Variants in CDH5 observed in about 807,000 individuals in gnomAD.
The protein encoded by CDH5 is cadherin-5.
CDH5 carries 28 observed loss-of-function variants against 62.0 expected under a neutral mutation model. The ratio of observed to expected loss-of-function variants is 0.45; its 90% CI spans 0.33 to 0.62. The LOEUF is 0.62. CDH5 is among the 20% of genes least tolerant of loss of function. The pLI is 0.02. For synonymous variants in CDH5, 464 were observed against 445.8 expected (o/e 1.04, Z -0.52); for missense variants, 940 against 1,065.1 (o/e 0.88, Z 1.63).
At chr16:66,384,893 G>C (rs1254348372) in intron 2 of CDH5, among the ~76,000 whole-genome samples, 1 of 152,140 alleles carries the variant, frequency 6.6e-6, no homozygotes, top group Non-Finnish European at 1.5e-5. Context: ...TTGAACCCAG[G>C]AGGCGGAGGT....
At chr16:66,401,158 C>G in intron 11 of CDH5, 142 bp downstream of exon 11, 1 of 1,103,504 alleles carries the variant, frequency 9.1e-7, no homozygotes, top group Non-Finnish European at 1.3e-6. Context: ...CAGCCCTTAG[C>G]CAGTTCATGT....
intron 5 of CDH5, among the ~76,000 whole-genome samples, chr16:66,389,908 A>G (rs765271537): frequency 1.1e-4 from 16 of 152,330 alleles, no homozygotes; most frequent in Non-Finnish European, 2.2e-4. Context: ...TGGGGACAGC[A>G]AAGTTCTATA....
intron 2 of CDH5, among the ~76,000 whole-genome samples, chr16:66,384,661 CAAAAAAAAA>C (rs10630303): frequency 9.8e-6 from 1 of 101,600 alleles, no homozygotes; most frequent in Admixed American, 1.1e-4. Context: ...GTACCTGTCT[CAAAAAAAAA>C]AAAAAAAAAA....
At chr16:66,391,406 C>T (rs1293519993) in intron 6 of CDH5, among the ~76,000 whole-genome samples, 1 of 152,036 alleles carries the variant, frequency 6.6e-6, no homozygotes, top group Non-Finnish European at 1.5e-5. Flanking sequence ...TTCTGCTTGG[C>T]TTCCTGAGGG....
At chr16:66,401,504 T>A (rs1385616014) in intron 11 of CDH5, among the ~76,000 whole-genome samples, 1 of 152,240 alleles carries the variant, frequency 6.6e-6, no homozygotes, top group Admixed American at 6.5e-5. Flanking sequence ...ATACATATTT[T>A]TTTTCTTGTT....
intron 1 of CDH5, among the ~76,000 whole-genome samples, chr16:66,373,194 A>G (rs1283064299): frequency 1.3e-5 from 2 of 152,162 alleles, no homozygotes; most frequent in Non-Finnish European, 2.9e-5. Flanking sequence ...ACTGCTGAGA[A>G]CGACCGAGAG....
intron 1 of CDH5, among the ~76,000 whole-genome samples, chr16:66,369,984 G>GTTTT (rs543100458): frequency 6.2e-5 from 2 of 32,378 alleles, no homozygotes; most frequent in South Asian, 7.3e-4. Context: ...AGACTTTTTT[G>GTTTT]TTTGTTTGTT....
intron 2 of CDH5, among the ~76,000 whole-genome samples, chr16:66,383,810 A>G (rs1288768725): frequency 6.6e-6 from 1 of 151,618 alleles, no homozygotes; most frequent in African/African-American, 2.4e-5. Flanking sequence ...GTTGCTGCCC[A>G]CCTCTCTCCC....
chr16:66,370,067 C>G (rs961713432), intron 1 of CDH5, among the ~76,000 whole-genome samples: 8 of 152,164 alleles, frequency 5.3e-5, no homozygotes, highest in African/African-American at 1.7e-4. Context: ...ATGGCGCAAT[C>G]TTGGCTCACT....
At chr16:66,391,708 A>T (rs1331357415) in intron 6 of CDH5, among the ~76,000 whole-genome samples, 1 of 152,114 alleles carries the variant, frequency 6.6e-6, no homozygotes, top group Non-Finnish European at 1.5e-5. Flanking sequence ...GGGAGGTGGA[A>T]GTTGTAGTGA....
At position 66,396,042 on chromosome 16, in the gene CDH5, C is replaced by T; in HGVS notation, c.1218-17C>T. The T allele has an allele frequency of 6.2e-7, 1 of 1,610,796 alleles. No homozygotes were observed. Among genetic ancestry groups the T allele is most frequent in the Non-Finnish European group, 8.5e-7 (1 of 1,179,078 alleles). ...CAAAGAACAATGGAAAGCCATGAAACTCTCTCCCCTGGGCAGATACTCCAT... is the reference window on the plus strand; with the variant it reads ...CAAAGAACAATGGAAAGCCATGAAATTCTCTCCCCTGGGCAGATACTCCAT... On this transcript the variant is annotated splice_polypyrimidine_tract_variant and intron_variant, in intron 7 of 11. Transcript: ENST00000341529.
At chr16:66,402,604 C>G (rs549762463) in intron 11 of CDH5, 48 bp from the exon 12 acceptor site, 1 of 1,474,556 alleles carries the variant, frequency 6.8e-7, no homozygotes, top group African/African-American at 1.4e-5. Flanking sequence ...GGGGGCCGCC[C>G]AGGCCCCCAG....
intron 7 of CDH5, among the ~76,000 whole-genome samples, chr16:66,395,018 C>CTTTTTATTTTT (rs1961152659): frequency 7.3e-5 from 1 of 13,772 alleles, no homozygotes; most frequent in African/African-American, 2.2e-4. Flanking sequence ...CCAGGCTAAT[C>CTTTTTATTTTT]TTTTTTTTTT....
At chr16:66,379,147 C>G (rs1446692814) in intron 1 of CDH5, 172 bp from the exon 2 acceptor site, 6 of 591,994 alleles carry the variant, frequency 1.0e-5, no homozygotes, top group African/African-American at 9.3e-5. Context: ...ACCTTTCATC[C>G]GAGTGCATGA....
intron 2 of CDH5, among the ~76,000 whole-genome samples, chr16:66,384,962 A>AAAACAAAC (rs4036983): frequency 2.0e-5 from 3 of 151,688 alleles, no homozygotes; most frequent in Non-Finnish European, 4.4e-5. Context: ...CTAAACTCAA[A>AAAACAAAC]AAACAAACAA....
At position 66,387,086 on chromosome 16, in the gene CDH5, C is replaced by T. The variant is rs1259309540; in HGVS notation, c.488C>T (p.Ser163Leu). Residue 163 changes from serine to leucine, a missense_variant, in exon 3 of 12, where the codon TCG becomes TTG. Physicochemically the swap from Ser to Leu is moderately radical, Grantham distance 145 (BLOSUM62 -2). Transcript: ENST00000341529. ...HRLFNASVPE[S>L]SAVGTSVISV... ...TTGTTCAATGCGTCCGTGCCTGAGT[C>T]GTCGGCTGTGGGTACGTTGCATGCC... The T allele has an allele frequency of 5.6e-6, 9 of 1,610,562 alleles. No individual in the cohort carries two copies. Among genetic ancestry groups the T allele is most frequent in the African/African-American group, 5.3e-5 (4 of 74,888 alleles).
At chr16:66,388,781 C>T (rs1377182353) in intron 4 of CDH5, among the ~76,000 whole-genome samples, 1 of 152,148 alleles carries the variant, frequency 6.6e-6, no homozygotes, top group Non-Finnish European at 1.5e-5. Flanking sequence ...GCCACTCACC[C>T]CCTCTAGAGA....
At chr16:66,392,536 T>A in intron 7 of CDH5, 153 bp downstream of exon 7, 1 of 1,070,442 alleles carries the variant, frequency 9.3e-7, no homozygotes, top group Non-Finnish European at 1.3e-6. Flanking sequence ...GCCCAAGCTC[T>A]TGCACTTGGC....
At chr16:66,395,711 T>G (rs1961173368) in intron 7 of CDH5, 1 of 180,560 alleles carries the variant, frequency 5.5e-6, no homozygotes. Flanking sequence ...CAGCTCTTTT[T>G]GTATTCCTTC....
Sources: allele counts gnomAD v4.1 joint callset (sites outside exome capture counted in the v4.1 genomes callset), GRCh38; gene constraint gnomAD v4.1.1; transcripts MANE v1.5; gene names NCBI Gene and HGNC (gene_info 2026-07-23, HGNC 2026-07-21).